Variants in SLC25A48 observed in about 807,000 individuals in gnomAD.
SLC25A48 encodes CTC-321K16.1.
A neutral mutation model predicts 32.2 loss-of-function variants in SLC25A48; 29 were observed. The ratio of observed to expected loss-of-function variants is 0.90; its 90% CI spans 0.67 to 1.23. The LOEUF is 1.23. SLC25A48 is among the 50% of genes most tolerant of loss of function. The pLI is 0.00. For missense variants in SLC25A48, 399 were observed against 422.7 expected, an observed-to-expected ratio of 0.94 and a Z score of 0.49; for synonymous variants, 164 against 172.3, an observed-to-expected ratio of 0.95 and a Z score of 0.38.
At chr5:135,586,573 G>C (rs902989945) in intron 1 of SLC25A48, among the ~76,000 whole-genome samples, 2 of 152,202 alleles carry the variant, frequency 1.3e-5, no homozygotes, top group Non-Finnish European at 2.9e-5. Flanking sequence ...AATGTGGGGA[G>C]AGAAAGGCTA....
intron 3 of SLC25A48, among the ~76,000 whole-genome samples, chr5:135,753,715 T>C (rs1755826591): frequency 6.6e-6 from 1 of 151,672 alleles, no homozygotes; most frequent in Non-Finnish European, 1.5e-5. Context: ...TCCACTATGA[T>C]ATTAGCAGTG....
intron 3 of SLC25A48, among the ~76,000 whole-genome samples, chr5:135,788,419 T>G (rs867563027): frequency 6.7e-6 from 1 of 149,796 alleles, no homozygotes; most frequent in Admixed American, 6.6e-5. Flanking sequence ...TTACTCCCCA[T>G]GTGGCGGCGG....
intron 2 of SLC25A48, among the ~76,000 whole-genome samples, chr5:135,847,254 A>G (rs1002595061): frequency 8.5e-5 from 13 of 152,234 alleles, no homozygotes; most frequent in African/African-American, 3.1e-4. Context: ...TGTATAGGTC[A>G]GAACCCAACA....
intron 3 of SLC25A48, among the ~76,000 whole-genome samples, chr5:135,760,357 GT>G (rs1376321207): frequency 6.6e-6 from 1 of 152,178 alleles, no homozygotes; most frequent in Non-Finnish European, 1.5e-5. Flanking sequence ...GCTTCTGCCT[GT>G]TTGACTTGGT....
In SLC25A48 at chr5:135,854,686, A is replaced by G. The variant is rs1176691271; in HGVS notation, c.421+1865A>G. Among the ~76,000 whole-genome samples, 43 of 152,230 alleles carry G rather than the reference A, an allele frequency of 2.8e-4. 1 individual carries two copies. Among genetic ancestry groups the G allele is most frequent in the Admixed American group, 2.8e-3 (43 of 15,290 alleles). On this transcript the variant is annotated intron_variant, in intron 4 of 7. Transcript: ENST00000681962. Reference sequence around the variant, plus strand: ...TCCAGACTACTCAAACTTTCTTCATACCAGCAATAAGGATATTTCACTATC... The same window carrying G: ...TCCAGACTACTCAAACTTTCTTCATGCCAGCAATAAGGATATTTCACTATC...
chr5:135,696,715 A>G (rs1754274868), intron 3 of SLC25A48, among the ~76,000 whole-genome samples: 1 of 152,174 alleles, frequency 6.6e-6, no homozygotes, highest in Non-Finnish European at 1.5e-5. Flanking sequence ...TTGAGGCTTC[A>G]TTCACTCATT....
At chr5:135,596,633 G>A (rs986935666) in intron 1 of SLC25A48, among the ~76,000 whole-genome samples, 17 of 152,186 alleles carry the variant, frequency 1.1e-4, no homozygotes, top group African/African-American at 4.1e-4. Context: ...CTGCTGAGGA[G>A]CGAGTGGTTG....
At chr5:135,738,181 C>G (rs755745587) in intron 3 of SLC25A48, among the ~76,000 whole-genome samples, 5 of 152,138 alleles carry the variant, frequency 3.3e-5, no homozygotes, top group Non-Finnish European at 7.4e-5. Context: ...GAATCTTGAG[C>G]AAAATGATGT....
chr5:135,756,030 T>A (rs182182131), intron 3 of SLC25A48, among the ~76,000 whole-genome samples: 118 of 152,228 alleles, frequency 7.8e-4, no homozygotes, highest in African/African-American at 2.8e-3. Flanking sequence ...ATTTATCATA[T>A]AATATCTAGT....
intron 2 of SLC25A48, among the ~76,000 whole-genome samples, chr5:135,846,826 C>T (rs1057252758): frequency 6.6e-6 from 1 of 152,076 alleles, no homozygotes; most frequent in African/African-American, 2.4e-5. Flanking sequence ...AGTACAGAAT[C>T]AAAATTAATG....
At chr5:135,796,668 CG>C (rs34197336) in intron 3 of SLC25A48, among the ~76,000 whole-genome samples, 1 of 146,154 alleles carries the variant, frequency 6.8e-6, no homozygotes, top group South Asian at 2.2e-4. Context: ...CCCCATATCC[CG>C]GGGGGTGTAC....
intron 1 of SLC25A48, among the ~76,000 whole-genome samples, chr5:135,583,971 C>T (rs1751297900): frequency 6.6e-6 from 1 of 152,216 alleles, no homozygotes. Context: ...GACCAAGGTT[C>T]CCAAGAACAA....
intron 1 of SLC25A48, among the ~76,000 whole-genome samples, chr5:135,603,505 A>C (rs1374642867): frequency 6.6e-6 from 1 of 152,194 alleles, no homozygotes; most frequent in Non-Finnish European, 1.5e-5. Flanking sequence ...CAGGCCTCCC[A>C]GCAGGCCCGG....
intron 7 of SLC25A48, among the ~76,000 whole-genome samples, chr5:135,880,683 A>G (rs1014578970): frequency 1.3e-5 from 2 of 151,896 alleles, no homozygotes; most frequent in Non-Finnish European, 1.5e-5. Context: ...TTGGCTCCCC[A>G]TTGCCCTCTA....
intron 1 of SLC25A48, among the ~76,000 whole-genome samples, chr5:135,583,181 CGTGT>C (rs369714430): frequency 1.3e-5 from 2 of 149,886 alleles, no homozygotes; most frequent in Non-Finnish European, 3.0e-5. Flanking sequence ...AGTGTGTGTG[CGTGT>C]GTGTGTGTGT....
chr5:135,645,403 T>C (rs1752935621), intron 3 of SLC25A48, among the ~76,000 whole-genome samples: 5 of 152,354 alleles, frequency 3.3e-5, no homozygotes, highest in Middle Eastern at 6.8e-3. Context: ...GCTGTGGCCT[T>C]GCTAGCTGGC....
intron 1 of SLC25A48, among the ~76,000 whole-genome samples, chr5:135,597,126 A>G (rs1430364081): frequency 6.6e-6 from 1 of 152,228 alleles, no homozygotes; most frequent in East Asian, 1.9e-4. Context: ...ACTTAAACTT[A>G]TAAGGTTGAT....
At chr5:135,767,359 G>C (rs1256089391) in intron 3 of SLC25A48, among the ~76,000 whole-genome samples, 1 of 151,904 alleles carries the variant, frequency 6.6e-6, no homozygotes, top group Non-Finnish European at 1.5e-5. Flanking sequence ...GAATATCTGG[G>C]AGAAGAGGAT....
intron 4 of SLC25A48, among the ~76,000 whole-genome samples, chr5:135,818,343 A>T (rs55923513): frequency 0.38 from 57,883 of 151,984 alleles, 12,569 homozygotes; most frequent in Non-Finnish European, 0.49. Context: ...AAATGCCTAC[A>T]AGTCTCAGCC....
Sources: allele counts gnomAD v4.1 joint callset (sites outside exome capture counted in the v4.1 genomes callset), GRCh38; gene constraint gnomAD v4.1.1; transcripts MANE v1.5; gene names NCBI Gene and HGNC (gene_info 2026-07-23, HGNC 2026-07-21).